MAP3K13: variants seen among roughly 807,000 people sequenced by gnomAD.
MAP3K13 encodes the protein leucine zipper-bearing kinase.
In MAP3K13, 52 loss-of-function variants were observed where a neutral mutation model predicts 104.0. That is an observed-to-expected ratio of 0.50 (90% CI 0.40 to 0.63). The LOEUF is 0.63. Among genes scored for constraint, MAP3K13 ranks in the 20% least tolerant of loss-of-function variants. MAP3K13 has a pLI of 0.00. For synonymous variants in MAP3K13, 394 were observed against 442.2 expected (o/e 0.89, Z 1.37); for missense variants, 914 against 1,218.5 (o/e 0.75, Z 3.72).
rs541916346 is a variant in MAP3K13, at chr3:185,382,429, A to G, written c.-86+19061A>G. On this transcript the variant is annotated intron_variant, in intron 1 of 13. Transcript: ENST00000265026. ...TAAGACTACTGTATATGATGTAGTG[A>G]TAAGAGACAAGAAACAGGAGAAAAA... Among the ~76,000 whole-genome samples, 3 of 152,340 alleles carry G rather than the reference A, an allele frequency of 2.0e-5. No homozygotes were observed. The East Asian group carries it at 5.8e-4, about 29-fold the overall frequency.
intron 2 of MAP3K13, among the ~76,000 whole-genome samples, chr3:185,342,877 G>A (rs150250305): frequency 4.8e-4 from 73 of 152,300 alleles, no homozygotes; most frequent in African/African-American, 1.6e-3. Context: ...TCAGGGCTGC[G>A]TTCTCTGGAT....
In MAP3K13 at chr3:185,440,066, TGA is replaced by T. The variant is rs2148890563; in HGVS notation, c.659+2437_659+2438del. 2.6e-5 allele frequency among the ~76,000 whole-genome samples: 4 copies of T among 152,342 alleles called. No individual in the cohort carries two copies. In the East Asian group the frequency reaches 7.7e-4, roughly 29 times the overall value. ...TGATTTCTGTGCTTACAGCTTCTTTTGAAGTTAATAAAAACCACATACAGAAG... is the reference window on the plus strand; with the variant it reads ...TGATTTCTGTGCTTACAGCTTCTTTTAGTTAATAAAAACCACATACAGAAG... On this transcript the variant is annotated intron_variant, in intron 3 of 13. Transcript: ENST00000265026.
upstream of MAP3K13, among the ~76,000 whole-genome samples, chr3:185,361,545 C>G (rs1220797337): frequency 6.6e-6 from 1 of 152,024 alleles, no homozygotes; most frequent in African/African-American, 2.4e-5. Context: ...GGGCTACAGG[C>G]GCCCACCATC....
chr3:185,450,463 T>C lies in MAP3K13; in HGVS notation c.1169+405T>C, dbSNP rs1357276655. 1.3e-5 allele frequency among the ~76,000 whole-genome samples: 2 copies of C among 152,152 alleles called. No individual in the cohort carries two copies. Among genetic ancestry groups the C allele is most frequent in the Non-Finnish European group, 2.9e-5 (2 of 68,022 alleles). On this transcript the variant is annotated intron_variant, in intron 6 of 13. Coordinates refer to ENST00000265026, the MANE Select transcript of MAP3K13 (RefSeq NM_004721.5). This position sits in a 1 kb window ranked among gnomAD's most constrained non-coding sequence, Gnocchi z 4.2. ...TACATTTTCCTTTTGCTCTTCAGTA[T>C]ATCAAAACTGTACTGCAGGGCAGCC...
chr3:185,459,482 T>A (rs1357005590), intron 7 of MAP3K13, among the ~76,000 whole-genome samples: 2 of 152,156 alleles, frequency 1.3e-5, no homozygotes, highest in African/African-American at 4.8e-5. Context: ...AGTTTCGCTC[T>A]TGTCACCCCG....
chr3:185,396,147 G>A (rs973166210), intron 1 of MAP3K13, among the ~76,000 whole-genome samples: 1 of 151,996 alleles, frequency 6.6e-6, no homozygotes, highest in Non-Finnish European at 1.5e-5. Context: ...GAGGCGGGTA[G>A]ATCACTTGAG....
chr3:185,362,917 T>G (rs1723688997), upstream of MAP3K13: 1 of 157,878 alleles, frequency 6.3e-6, no homozygotes, highest in Non-Finnish European at 1.2e-5. Flanking sequence ...TTTTTATGAC[T>G]ATCACAGCTT....
intron 2 of MAP3K13, among the ~76,000 whole-genome samples, chr3:185,325,144 T>TACTTA (rs1679778356): frequency 1.3e-5 from 2 of 152,222 alleles, no homozygotes; most frequent in African/African-American, 4.8e-5. Flanking sequence ...CTGAAAAGGT[T>TACTTA]ACTTACTATG....
upstream of MAP3K13, chr3:185,362,930 A>AACACACACACACACACACACACAC (rs772942357): frequency 1.9e-4 from 25 of 132,284 alleles, 1 homozygote; most frequent in South Asian, 7.9e-4. Flanking sequence ...CACAGCTTGA[A>AACACACACACACACACACACACAC]ACACACACAC....
At chr3:185,284,294 C>A (rs1011363575) in intron 1 of MAP3K13, among the ~76,000 whole-genome samples, 1 of 151,996 alleles carries the variant, frequency 6.6e-6, no homozygotes, top group Non-Finnish European at 1.5e-5. Flanking sequence ...TTATAAAAAT[C>A]CAGAGATTAC....
chr3:185,456,846 C>T (rs1282654608), intron 7 of MAP3K13, among the ~76,000 whole-genome samples: 4 of 152,142 alleles, frequency 2.6e-5, no homozygotes, highest in Non-Finnish European at 4.4e-5. Context: ...GGTGATCCAC[C>T]CACCTTGGCC....
chr3:185,399,453 A>G (rs1332960669), intron 1 of MAP3K13, among the ~76,000 whole-genome samples: 1 of 151,492 alleles, frequency 6.6e-6, no homozygotes, highest in Non-Finnish European at 1.5e-5. Context: ...AGATACAAAA[A>G]AAATTTTAGC....
Position 185,428,553 on chromosome 3 carries a change from C to T in MAP3K13, c.-29C>T, listed in dbSNP as rs369673892. Reference sequence around the variant, plus strand: ...GTCCCAAAAATCTTCTGAGTGTCATCTCAGGACTTTGGTTATACTCATGGC... The same window carrying T: ...GTCCCAAAAATCTTCTGAGTGTCATTTCAGGACTTTGGTTATACTCATGGC... On this transcript the variant is annotated 5_prime_UTR_variant, in exon 2 of 14. Transcript: ENST00000265026. The T allele has an allele frequency of 9.4e-5, 144 of 1,536,346 alleles. No homozygotes were observed. The highest frequency in any genetic ancestry group is 1.6e-5 in the Non-Finnish European group (18 of 1,142,224).
At chr3:185,459,349 T>TA (rs1716957280) in intron 7 of MAP3K13, among the ~76,000 whole-genome samples, 2 of 152,172 alleles carry the variant, frequency 1.3e-5, no homozygotes, top group African/African-American at 4.8e-5. Context: ...CTCCTTAAGC[T>TA]AGGCTGGAAC....
At chr3:185,440,222 G>A (rs773044874) in intron 3 of MAP3K13, among the ~76,000 whole-genome samples, 5 of 152,202 alleles carry the variant, frequency 3.3e-5, no homozygotes. Flanking sequence ...GCAATTAGAA[G>A]TGATTATAGA....
At chr3:185,455,862 T>TATGAGATATAG (rs1716691909) in intron 7 of MAP3K13, among the ~76,000 whole-genome samples, 1 of 67,378 alleles carries the variant, frequency 1.5e-5, no homozygotes, top group Non-Finnish European at 3.6e-5. Flanking sequence ...ATGAGATATA[T>TATGAGATATAG]ATGAGATATA....
At chr3:185,417,952 T>C in intron 1 of MAP3K13, 1 of 1,607,748 alleles carries the variant, frequency 6.2e-7, no homozygotes, top group East Asian at 2.2e-5. Context: ...AAGATTGTAG[T>C]TACTCTTGAG....
At chr3:185,342,822 C>T (rs560951319) in intron 2 of MAP3K13, among the ~76,000 whole-genome samples, 4 of 152,302 alleles carry the variant, frequency 2.6e-5, no homozygotes, top group African/African-American at 4.8e-5. Flanking sequence ...AGTTACTGGG[C>T]ATGGCCTAGC....
intron 1 of MAP3K13, among the ~76,000 whole-genome samples, chr3:185,379,955 G>A (rs996578932): frequency 6.6e-6 from 1 of 152,118 alleles, no homozygotes; most frequent in Admixed American, 6.5e-5. Flanking sequence ...GGGGGCCGAG[G>A]CGGGTGGATC....
Sources: gnomAD v4.1 joint callset for allele counts (sites outside exome capture counted in the v4.1 genomes callset) on GRCh38, gnomAD v4.1.1 for gene constraint, Gnocchi (gnomAD v3.1) non-coding constraint, MANE v1.5 for transcripts, NCBI Gene and HGNC (gene_info 2026-07-23, HGNC 2026-07-21) for gene names.